CLASP1: variants seen among roughly 807,000 people sequenced by gnomAD.
The protein encoded by CLASP1 is cytoplasmic linker associated protein 1, also known as CLIP-associating protein 1.
CLASP1 carries 38 observed loss-of-function variants against 192.3 expected under a neutral mutation model. That is an observed-to-expected ratio of 0.20 (90% CI 0.15 to 0.26). The LOEUF (loss-of-function observed/expected upper bound fraction) is 0.26. Ranked by LOEUF, CLASP1 falls within the 10% of genes least tolerant of loss-of-function variation. CLASP1 has a pLI of 1.00. For missense variants in CLASP1, 1,433 were observed against 1,932.5 expected (o/e 0.74, Z 4.85); for synonymous variants, 691 against 712.8 (o/e 0.97, Z 0.49).
At chr2:121,516,681 G>A (rs547937754) in intron 6 of CLASP1, among the ~76,000 whole-genome samples, 67 of 152,300 alleles carry the variant, frequency 4.4e-4, no homozygotes, top group African/African-American at 1.4e-3. Flanking sequence ...GTTAATATAA[G>A]AAAATATCTT....
intron 4 of CLASP1, 46 bp downstream of exon 4, chr2:121,528,631 C>T (rs1283164397): frequency 6.8e-7 from 1 of 1,460,972 alleles, no homozygotes; most frequent in Non-Finnish European, 9.6e-7. Context: ...CACGTGCATG[C>T]ACGCGCACTG....
chr2:121,601,678 T>G (rs1559736813), intron 2 of CLASP1, among the ~76,000 whole-genome samples: 1 of 151,980 alleles, frequency 6.6e-6, no homozygotes, highest in Non-Finnish European at 1.5e-5. Flanking sequence ...GAGAAAGAAA[T>G]AAAAAGCATC....
chr2:121,612,352 G>A lies in CLASP1; in HGVS notation c.-285-6172C>T, dbSNP rs549693088. Among the ~76,000 whole-genome samples the A allele has an allele frequency of 1.8e-4, 27 of 151,790 alleles. 1 individual carries two copies. Among genetic ancestry groups the A allele is most frequent in the African/African-American group, 6.3e-4 (26 of 41,346 alleles). ...ACAGGAGGAAGAGCAGCATGAGGAG[G>A]AGGAATTATAGGAGAAAGAGGAACT... On this transcript the variant is annotated intron_variant, in intron 1 of 39. Transcript: ENST00000263710.
At chr2:121,568,861 T>C (rs553354429) in intron 2 of CLASP1, among the ~76,000 whole-genome samples, 4 of 152,176 alleles carry the variant, frequency 2.6e-5, no homozygotes, top group Non-Finnish European at 5.9e-5. Flanking sequence ...GGAGACAAAC[T>C]TCTCCACAAG....
intron 14 of CLASP1, among the ~76,000 whole-genome samples, chr2:121,455,565 T>C (rs1034545994): frequency 1.3e-5 from 2 of 152,094 alleles, no homozygotes; most frequent in Admixed American, 6.6e-5. Flanking sequence ...CAAAGACAAA[T>C]ACTGCATGAT....
At chr2:121,353,314 C>T (rs1044679893) in intron 37 of CLASP1, among the ~76,000 whole-genome samples, 2 of 152,058 alleles carry the variant, frequency 1.3e-5, no homozygotes, top group Non-Finnish European at 2.9e-5. Context: ...GCTTTGTGAC[C>T]CCGAGACTCC....
At chr2:121,596,189 C>T (rs2063123893) in intron 2 of CLASP1, among the ~76,000 whole-genome samples, 1 of 152,156 alleles carries the variant, frequency 6.6e-6, no homozygotes, top group African/African-American at 2.4e-5. Flanking sequence ...TTGACATAAC[C>T]TTTCCTAAGG....
At chr2:121,348,649 C>G in exon 38 of CLASP1, 1 of 1,613,882 alleles carries the variant, frequency 6.2e-7, no homozygotes, top group Non-Finnish European at 8.5e-7. Flanking sequence ...GGGCAGAGCA[C>G]CTTGATGCAC....
At chr2:121,367,302 G>A (rs964989237) in intron 35 of CLASP1, among the ~76,000 whole-genome samples, 3 of 152,248 alleles carry the variant, frequency 2.0e-5, no homozygotes, top group African/African-American at 7.2e-5. Context: ...TGATGGTAGA[G>A]TTGGCCTTCC....
intron 19 of CLASP1, among the ~76,000 whole-genome samples, chr2:121,434,515 C>T (rs1463149316): frequency 1.3e-5 from 2 of 152,094 alleles, no homozygotes; most frequent in South Asian, 2.1e-4. Context: ...ATCCTCTCAC[C>T]TTGGCCTCCC....
intron 37 of CLASP1, 117 bp downstream of exon 38, chr2:121,363,055 T>C (rs1458175012): frequency 7.7e-7 from 1 of 1,303,570 alleles, no homozygotes; most frequent in Non-Finnish European, 1.1e-6. Flanking sequence ...ACGACATGGC[T>C]GAGTTCCAAG....
chr2:121,401,462 A>G, intron 28 of CLASP1, 47 bp downstream of exon 29: 1 of 1,497,104 alleles, frequency 6.7e-7, no homozygotes, highest in Non-Finnish European at 9.1e-7. Flanking sequence ...AAAGTCACTT[A>G]CAAGTATCCT....
chr2:121,614,287 G>A (rs534855205), intron 1 of CLASP1, among the ~76,000 whole-genome samples: 29 of 152,328 alleles, frequency 1.9e-4, no homozygotes, highest in Admixed American at 6.5e-4. Flanking sequence ...CCTGAGGTCA[G>A]GTGTTCGAGA....
intron 1 of CLASP1, among the ~76,000 whole-genome samples, chr2:121,636,062 G>A (rs1009782888): frequency 6.6e-6 from 1 of 152,030 alleles, no homozygotes; most frequent in African/African-American, 2.4e-5. Context: ...TTTGAGGCCG[G>A]GCATGGTGGC....
intron 39 of CLASP1, among the ~76,000 whole-genome samples, chr2:121,344,582 C>T (rs1453627881): frequency 2.0e-5 from 3 of 152,064 alleles, no homozygotes; most frequent in East Asian, 1.9e-4. Flanking sequence ...CCGCCCGCCT[C>T]GGCCTCCCAA....
exon 3 of CLASP1, chr2:121,530,310 T>A: frequency 6.4e-7 from 1 of 1,551,240 alleles, no homozygotes; most frequent in South Asian, 1.2e-5. Flanking sequence ...AGGATGTCCA[T>A]GCCCAGCAGA....
chr2:121,633,322 A>G (rs1240828241), intron 1 of CLASP1, among the ~76,000 whole-genome samples: 3 of 152,156 alleles, frequency 2.0e-5, no homozygotes, highest in Non-Finnish European at 2.9e-5. Context: ...TAAAACTTCT[A>G]TGTTCAATAA....
At chr2:121,404,039 T>A (rs2076541571) in intron 26 of CLASP1, among the ~76,000 whole-genome samples, 1 of 152,222 alleles carries the variant, frequency 6.6e-6, no homozygotes, top group South Asian at 2.1e-4. Flanking sequence ...TGCATGATAT[T>A]ATAATATAAT....
intron 8 of CLASP1, among the ~76,000 whole-genome samples, chr2:121,499,847 T>A (rs1021032003): frequency 2.0e-5 from 3 of 150,610 alleles, no homozygotes; most frequent in African/African-American, 7.3e-5. Context: ...CAGAAGTAAA[T>A]AGAAAACTAC....
Sources: allele counts gnomAD v4.1 joint callset (sites outside exome capture counted in the v4.1 genomes callset), GRCh38; gene constraint gnomAD v4.1.1; transcripts MANE v1.5; gene names NCBI Gene and HGNC (gene_info 2026-07-23, HGNC 2026-07-21).